Variants in BCAT1 observed in about 807,000 individuals in gnomAD.
BCAT1 encodes branched chain amino acid transaminase 1, also known as branched-chain-amino-acid aminotransferase, cytosolic.
In BCAT1, 48 loss-of-function variants were observed where a neutral mutation model predicts 52.4. The observed-to-expected ratio is 0.92, with a 90% CI of 0.73 to 1.16. BCAT1 has a LOEUF of 1.16. Among genes scored for constraint, BCAT1 ranks in the 50% most tolerant of loss-of-function variants. The pLI is 0.00. For synonymous variants in BCAT1, 167 were observed against 161.3 expected (o/e 1.04, Z -0.27); for missense variants, 451 against 457.1 (o/e 0.99, Z 0.12).
At chr12:24,911,471 A>G (rs1037716678) in intron 1 of BCAT1, among the ~76,000 whole-genome samples, 1 of 152,360 alleles carries the variant, frequency 6.6e-6, no homozygotes, top group African/African-American at 2.4e-5. Flanking sequence ...AGGGTGACAC[A>G]CAGAATGAGC....
chr12:24,948,339 T>C (rs1247307947), intron 1 of BCAT1, among the ~76,000 whole-genome samples: 2 of 152,220 alleles, frequency 1.3e-5, no homozygotes, highest in Non-Finnish European at 2.9e-5. Context: ...GCCATTAGGG[T>C]GCTCACTGGT....
chr12:24,915,677 C>G (rs1328698333), intron 1 of BCAT1, among the ~76,000 whole-genome samples: 1 of 152,184 alleles, frequency 6.6e-6, no homozygotes, highest in African/African-American at 2.4e-5. Context: ...GCAAATTAGG[C>G]ACAATGATGT....
chr12:24,859,305 G>C (rs887400808), intron 5 of BCAT1, among the ~76,000 whole-genome samples: 3 of 152,212 alleles, frequency 2.0e-5, no homozygotes, highest in Non-Finnish European at 2.9e-5. Context: ...TTGGAAAGCT[G>C]TCTTCCCTCT....
chr12:24,836,831 A>AAGGAAGAAAGAGGAAGGC (rs1343093762), intron 7 of BCAT1, among the ~76,000 whole-genome samples: 3 of 143,580 alleles, frequency 2.1e-5, no homozygotes, highest in Non-Finnish European at 4.6e-5. Flanking sequence ...AGAAGGAAGG[A>AAGGAAGAAAGAGGAAGGC]AGGAAGGAGA....
At chr12:24,867,362 T>G (rs1277450198) in intron 5 of BCAT1, among the ~76,000 whole-genome samples, 1 of 150,784 alleles carries the variant, frequency 6.6e-6, no homozygotes, top group Non-Finnish European at 1.5e-5. Context: ...TTTTTTACCT[T>G]TAACATGTTT....
intron 2 of BCAT1, among the ~76,000 whole-genome samples, chr12:24,899,688 C>A (rs2883180): frequency 0.029 from 4,410 of 151,560 alleles, 214 homozygotes; most frequent in African/African-American, 0.099. Context: ...GAATACTACT[C>A]AGCCATTAAA....
At chr12:24,842,596 T>C (rs1003654185) in intron 6 of BCAT1, among the ~76,000 whole-genome samples, 4 of 152,218 alleles carry the variant, frequency 2.6e-5, no homozygotes, top group Non-Finnish European at 4.4e-5. Context: ...TACTATGAGA[T>C]AGACACTATC....
intron 5 of BCAT1, among the ~76,000 whole-genome samples, chr12:24,873,800 G>T (rs1942250662): frequency 6.6e-6 from 1 of 152,090 alleles, no homozygotes. Flanking sequence ...TCAGGTTGTT[G>T]TTTTCTTCAA....
chr12:24,833,102 TCAC>T (rs1374902829), intron 8 of BCAT1, among the ~76,000 whole-genome samples: 1 of 152,222 alleles, frequency 6.6e-6, no homozygotes, highest in African/African-American at 2.4e-5. Flanking sequence ...TATAAGATTA[TCAC>T]CACAAGACAC....
intron 10 of BCAT1, among the ~76,000 whole-genome samples, chr12:24,829,566 A>T (rs10771130): frequency 0.25 from 38,363 of 151,984 alleles, 5,646 homozygotes; most frequent in Non-Finnish European, 0.32. Context: ...TCTATTTTTT[A>T]ATGTTAAGTA....
intron 5 of BCAT1, among the ~76,000 whole-genome samples, chr12:24,857,991 G>A (rs1164573321): frequency 1.3e-5 from 2 of 152,174 alleles, no homozygotes; most frequent in Non-Finnish European, 2.9e-5. Context: ...AAAACTCCCA[G>A]AGGGGATGGG....
intron 1 of BCAT1, among the ~76,000 whole-genome samples, chr12:24,926,129 C>T (rs1943578446): frequency 6.6e-6 from 1 of 152,030 alleles, no homozygotes; most frequent in Non-Finnish European, 1.5e-5. Context: ...GGCTGCCATC[C>T]CGTCTAGGAA....
In BCAT1 at chr12:24,894,397, A is replaced by G. The variant is rs1323760561; in HGVS notation, c.157T>C (p.Phe53Leu). ...DPNNLVFGTV[F>L]TDHMLTVEWS... is the part of the protein sequence containing the mutation. ...TCCACCGTCAGCATATGATCCGTGA[A>G]CACAGTTCCAAAAACCAGATTATTG... The change falls in exon 3 of 11, where the codon TTC becomes CTC. Residue 53 changes from phenylalanine (F) to leucine (L), a missense_variant. Physicochemically the swap from Phe to Leu is conservative, Grantham distance 22. Coordinates refer to ENST00000261192, the MANE Select transcript of BCAT1 (RefSeq NM_005504.7). 1.2e-6 allele frequency: 2 copies of G among 1,613,390 alleles called. No individual in the cohort carries two copies. Among genetic ancestry groups the G allele is most frequent in the Non-Finnish European group, 1.7e-6 (2 of 1,179,610 alleles).
intron 5 of BCAT1, among the ~76,000 whole-genome samples, chr12:24,856,517 C>A (rs925184689): frequency 3.2e-5 from 4 of 125,394 alleles, no homozygotes; most frequent in Admixed American, 9.0e-5. Flanking sequence ...CATAGGCCTG[C>A]TGTCCTTATA....
chr12:24,869,560 A>G (rs1942121644), intron 5 of BCAT1, among the ~76,000 whole-genome samples: 1 of 152,256 alleles, frequency 6.6e-6, no homozygotes, highest in South Asian at 2.1e-4. Context: ...CAACAGCAGT[A>G]TCTACTAAAG....
At position 24,811,096 on chromosome 12, in the gene BCAT1, T is replaced by A. The variant is rs913516288; in HGVS notation, c.*6912A>T. ...CGACAAAGCTAAGTTTTACTACAGA[T>A]AAATCCATAACCAGGGGAAGGAAGA... On this transcript the variant is annotated 3_prime_UTR_variant, in exon 11 of 11. Transcript: ENST00000261192. 1 of 152,220 alleles carries A rather than the reference T, an allele frequency of 6.6e-6. No individual in the cohort carries two copies. Among genetic ancestry groups the A allele is most frequent in the African/African-American group, 2.4e-5 (1 of 41,462 alleles). The allele number at this position is 152,220 out of a possible 1,614,324, so 9.4% of individuals were successfully genotyped here.
At chr12:24,836,897 GAAAA>G (rs1686311717) in intron 7 of BCAT1, among the ~76,000 whole-genome samples, 2 of 28,944 alleles carry the variant, frequency 6.9e-5, no homozygotes, top group African/African-American at 1.3e-4. Flanking sequence ...AAGAAAGAAA[GAAAA>G]GAAAGAGAGA....
chr12:24,869,981 GGTGT>G (rs753844015), intron 5 of BCAT1, among the ~76,000 whole-genome samples: 5 of 148,816 alleles, frequency 3.4e-5, no homozygotes, highest in South Asian at 4.3e-4. Context: ...CACATGTAAG[GGTGT>G]GTGTGTGTGT....
intron 1 of BCAT1, among the ~76,000 whole-genome samples, chr12:24,929,821 T>C (rs950535382): frequency 6.6e-6 from 1 of 152,192 alleles, no homozygotes; most frequent in African/African-American, 2.4e-5. Context: ...ATCTGGCCTT[T>C]CTTTGAGTCT....
Sources: allele counts gnomAD v4.1 joint callset (sites outside exome capture counted in the v4.1 genomes callset), GRCh38; gene constraint gnomAD v4.1.1; transcripts MANE v1.5; gene names NCBI Gene and HGNC (gene_info 2026-07-23, HGNC 2026-07-21).